Variants in SHROOM2 observed in about 807,000 individuals in gnomAD.
SHROOM2 encodes shroom family member 2, also known as protein Shroom2.
Under a neutral mutation model 75.9 loss-of-function variants are expected in SHROOM2, and 33 were observed. That is an observed-to-expected ratio of 0.43 (90% confidence interval 0.33 to 0.58). The LOEUF (loss-of-function observed/expected upper bound fraction) is 0.58. Ranked by LOEUF, SHROOM2 falls within the 20% of genes least tolerant of loss-of-function variation. SHROOM2 has a pLI of 0.04. For missense variants in SHROOM2, 1,434 were observed against 1,461.2 expected (o/e 0.98, Z 0.30); for synonymous variants, 655 against 663.6 (o/e 0.99, Z 0.20).
At chrX:9,854,710 G>A (rs1317618644) in intron 1 of SHROOM2, among the ~76,000 whole-genome samples, 1 of 111,540 alleles carries the variant, frequency 9.0e-6, no homozygotes, top group Non-Finnish European at 1.9e-5. Flanking sequence ...AGCTTGGGGG[G>A]CAGGGAGTTG....
chrX:9,843,939 T>G (rs934033684), intron 1 of SHROOM2, among the ~76,000 whole-genome samples: 3 of 112,877 alleles, frequency 2.7e-5, no homozygotes, highest in African/African-American at 9.7e-5. Context: ...TTTTTAGTTT[T>G]GATTTTCTAA....
intron 7 of SHROOM2, among the ~76,000 whole-genome samples, chrX:9,938,985 A>G (rs2084742466): frequency 8.9e-6 from 1 of 112,429 alleles, no homozygotes. Flanking sequence ...ACTATGTTTC[A>G]TACACTTACG....
chrX:9,864,538 G>T (rs763107370), intron 1 of SHROOM2, among the ~76,000 whole-genome samples: 5 of 111,315 alleles, frequency 4.5e-5, no homozygotes, highest in African/African-American at 1.6e-4. Flanking sequence ...AAATAAATAG[G>T]CCGGGCGCGG....
At position 9,932,317 on chromosome X, in the gene SHROOM2, G is replaced by A. The variant is rs201633306; in HGVS notation, c.3034G>A (p.Ala1012Thr). The part of the protein sequence containing the change: ...PELPREGRGR[A>T]GTLPRDYRYS... Reference sequence around the variant, plus strand: ...GCTGCCCCGGGAGGGCCGGGGCCGAGCGGGAACCCTACCTCGAGATTATAG... The same window carrying A: ...GCTGCCCCGGGAGGGCCGGGGCCGAACGGGAACCCTACCTCGAGATTATAG... The change falls in exon 6 of 10, where the codon GCG becomes ACG. Residue 1012 changes from alanine (A) to threonine (T), a missense_variant. Ala to Thr is a moderately conservative substitution (Grantham distance 58). Coordinates refer to ENST00000380913, the MANE Select transcript of SHROOM2 (RefSeq NM_001649.4). 11 of 1,206,625 alleles carry A rather than the reference G, an allele frequency of 9.1e-6. No homozygotes were observed. The East Asian group carries it at 3.3e-4, about 36-fold the overall frequency.
chrX:9,943,317 A>G (rs1210968550), intron 8 of SHROOM2, among the ~76,000 whole-genome samples: 2 of 111,346 alleles, frequency 1.8e-5, no homozygotes, highest in Non-Finnish European at 3.8e-5. Context: ...TATCTGGCAC[A>G]TGTTTCTCCT....
chrX:9,945,696 A>G, intron 9 of SHROOM2, among the ~76,000 whole-genome samples: 1 of 111,383 alleles, frequency 9.0e-6, no homozygotes, highest in South Asian at 3.9e-4. Context: ...TGTAGCTGTG[A>G]TTTAACAAGA....
chrX:9,890,829 T>G, intron 2 of SHROOM2, 148 bp from the exon 3 acceptor site: 1 of 490,120 alleles, frequency 2.0e-6, no homozygotes, highest in Non-Finnish European at 3.2e-6. Flanking sequence ...CAAGCGCACG[T>G]GCGCTGTGTG....
At chrX:9,809,171 T>C (rs1368003377) in intron 1 of SHROOM2, among the ~76,000 whole-genome samples, 1 of 109,160 alleles carries the variant, frequency 9.2e-6, no homozygotes, top group African/African-American at 3.3e-5. Context: ...TTAACTCACA[T>C]GATCACAATG....
At position 9,899,403 on chromosome X, in the gene SHROOM2, C is replaced by T. The variant is rs554731445; in HGVS notation, c.2891+1113C>T. Among the ~76,000 whole-genome samples, 12 of 111,524 alleles carry T rather than the reference C, an allele frequency of 1.1e-4. No individual in the cohort carries two copies. The South Asian group carries it at 1.9e-3, about 18-fold the overall frequency. On this transcript the variant is annotated intron_variant, in intron 5 of 9. Coordinates refer to ENST00000380913, the MANE Select transcript of SHROOM2 (RefSeq NM_001649.4). Reference sequence around the variant, plus strand: ...GGGAGTAAATGCACGACAGGGTCCCCGGGTGTGGATTTTTCTGTCGCCTTG... The same window carrying T: ...GGGAGTAAATGCACGACAGGGTCCCTGGGTGTGGATTTTTCTGTCGCCTTG...
In SHROOM2 at chrX:9,843,962, G is replaced by A. The variant is rs372827597; in HGVS notation, c.166-29690G>A. ...TTTGATTTTCTAACTTTTCTTAACT[G>A]TAGGAATTAATGAAGATTTTTCCAC... On this transcript the variant is annotated intron_variant, in intron 1 of 9. Transcript: ENST00000380913. 3.3e-4 allele frequency among the ~76,000 whole-genome samples: 37 copies of A among 112,635 alleles called. No individual in the cohort carries two copies. In the South Asian group the frequency reaches 0.013, roughly 40 times the overall value.
At chrX:9,807,299 C>G (rs150608521) in intron 1 of SHROOM2, among the ~76,000 whole-genome samples, 305 of 112,241 alleles carry the variant, frequency 2.7e-3, no homozygotes, top group Non-Finnish European at 4.6e-3. Flanking sequence ...TTCCTGCATT[C>G]AAGCATCAAG....
intron 5 of SHROOM2, among the ~76,000 whole-genome samples, chrX:9,916,601 C>T (rs2084493017): frequency 8.9e-6 from 1 of 112,180 alleles, no homozygotes; most frequent in Non-Finnish European, 1.9e-5. Flanking sequence ...TCTCCCAAAA[C>T]TTTGTCAATA....
chrX:9,902,090 G>T (rs1267098475), intron 5 of SHROOM2, among the ~76,000 whole-genome samples: 2 of 110,924 alleles, frequency 1.8e-5, no homozygotes, highest in Non-Finnish European at 3.8e-5. Flanking sequence ...GAGATGTAGG[G>T]ATGCATGGAT....
At chrX:9,838,159 C>CA (rs748857389) in intron 1 of SHROOM2, among the ~76,000 whole-genome samples, 2 of 102,046 alleles carry the variant, frequency 2.0e-5, no homozygotes, top group South Asian at 9.7e-4. Flanking sequence ...CTCCCGGGTT[C>CA]ACGCCATTCT....
rs947917619 is a variant in SHROOM2 at position 9,850,150 on chromosome X, G to A, written c.166-23502G>A. ...ATCTTGGGGCCAGGCTGGGCTGCGT[G>A]GCAGCTCTGTGGGATCATTCCCGTC... On this transcript the variant is annotated intron_variant, in intron 1 of 9. Coordinates refer to ENST00000380913, the MANE Select transcript of SHROOM2 (RefSeq NM_001649.4). Among the ~76,000 whole-genome samples the A allele has an allele frequency of 3.6e-5, 4 of 112,000 alleles. No individual in the cohort carries two copies. In the Admixed American group the frequency reaches 3.8e-4, roughly 11 times the overall value.
intron 3 of SHROOM2, among the ~76,000 whole-genome samples, chrX:9,892,036 G>A (rs2084296847): frequency 9.1e-6 from 1 of 110,220 alleles, no homozygotes; most frequent in Non-Finnish European, 1.9e-5. Context: ...AAGGTGGGAA[G>A]ATTGTTTGAG....
intron 8 of SHROOM2, among the ~76,000 whole-genome samples, chrX:9,940,755 T>G (rs1339392337): frequency 8.9e-6 from 1 of 112,255 alleles, no homozygotes; most frequent in Non-Finnish European, 1.9e-5. Context: ...ATAGCGCAGA[T>G]GGGGACTTAG....
intron 5 of SHROOM2, among the ~76,000 whole-genome samples, chrX:9,906,838 C>T (rs2084394164): frequency 8.9e-6 from 1 of 112,756 alleles, no homozygotes; most frequent in African/African-American, 3.2e-5. Flanking sequence ...CATTAAGCAG[C>T]TGTAGTTCAG....
chrX:9,836,853 T>A (rs1473194080), intron 1 of SHROOM2, among the ~76,000 whole-genome samples: 1 of 111,976 alleles, frequency 8.9e-6, no homozygotes, highest in Non-Finnish European at 1.9e-5. Flanking sequence ...AAAGATTCTT[T>A]TTATTCCTTT....
Sources: allele counts gnomAD v4.1 joint callset (sites outside exome capture counted in the v4.1 genomes callset), GRCh38; gene constraint gnomAD v4.1.1; transcripts MANE v1.5; gene names NCBI Gene and HGNC (gene_info 2026-07-23, HGNC 2026-07-21).